Variants in USP1 observed in about 807,000 individuals in gnomAD.
The protein encoded by USP1 is ubiquitin carboxyl-terminal hydrolase 1.
Under a neutral mutation model 72.2 loss-of-function variants are expected in USP1, and 18 were observed. The ratio of observed to expected loss-of-function variants is 0.25; its 90% CI spans 0.17 to 0.37. The LOEUF (loss-of-function observed/expected upper bound fraction) is 0.37, where lower values mean the gene tolerates loss of function less well. Ranked by LOEUF, USP1 falls within the 10% of genes least tolerant of loss-of-function variation. USP1 has a pLI of 1.00. For missense variants in USP1, 759 were observed against 884.9 expected, an observed-to-expected ratio of 0.86 and a Z score of 1.81; for synonymous variants, 354 against 303.7, an observed-to-expected ratio of 1.17 and a Z score of -1.72.
intron 1 of USP1, among the ~76,000 whole-genome samples, chr1:62,437,672 C>T (rs1345713547): frequency 2.6e-5 from 4 of 152,222 alleles, no homozygotes; most frequent in South Asian, 2.1e-4. Flanking sequence ...CGCCAGCCTC[C>T]CCCGACCGGG....
At chr1:62,441,972 A>G (rs939326008) in intron 3 of USP1, among the ~76,000 whole-genome samples, 3 of 152,150 alleles carry the variant, frequency 2.0e-5, no homozygotes, top group African/African-American at 7.2e-5. Flanking sequence ...TTGTAACCTT[A>G]AAGTCTTAGC....
rs1228627368 is a variant in USP1 at position 62,451,563 on chromosome 1, A to G, written c.*582A>G. On this transcript the variant is annotated 3_prime_UTR_variant, in exon 9 of 9. Coordinates refer to ENST00000339950, the MANE Select transcript of USP1 (RefSeq NM_003368.5). ...GCTTCTACACAAGAATTTTATATGT[A>G]TTTATGAAGATGATTCTGTACCCTA... is the stretch of plus-strand genomic sequence containing the variant. 6.5e-6 allele frequency: 1 copy of G among 152,762 alleles called. No homozygotes were observed. Among genetic ancestry groups the G allele is most frequent in the African/African-American group, 2.4e-5 (1 of 41,426 alleles). 9.5% of individuals were successfully genotyped at this position (152,762 alleles called of 1,614,324 possible). A position where few individuals can be genotyped will look rare whatever the true frequency, so the allele number is the denominator to read the frequency against.
chr1:62,444,260 CAA>C (rs34522182), intron 5 of USP1, among the ~76,000 whole-genome samples: 28 of 72,404 alleles, frequency 3.9e-4, no homozygotes, highest in East Asian at 8.4e-4. Flanking sequence ...CCCTTGTCTC[CAA>C]AAAAAAAAAA....
chr1:62,451,093 G>T lies in USP1; in HGVS notation c.*112G>T, dbSNP rs1645213797. 1 of 1,102,438 alleles carries T rather than the reference G, an allele frequency of 9.1e-7. No individual in the cohort carries two copies. Among genetic ancestry groups the T allele is most frequent in the East Asian group, 2.6e-5 (1 of 38,906 alleles). The allele number at this position is 1,102,438 out of a possible 1,614,324, so 68.3% of individuals were successfully genotyped here. On this transcript the variant is annotated 3_prime_UTR_variant, in exon 9 of 9. Transcript: ENST00000339950. ...CTTTTGAAGCTACTGGATATTATTG[G>T]TCTCTCTAGGTTTTTATATAAATAG... is the stretch of plus-strand genomic sequence containing the variant.
rs190657638 is a variant in USP1 at position 62,447,911 on chromosome 1, T to G, written c.1420+400T>G. Among the ~76,000 whole-genome samples the G allele has an allele frequency of 8.1e-4, 124 of 152,214 alleles. 1 individual carries two copies. The highest frequency in any genetic ancestry group is 2.8e-3 in the African/African-American group (116 of 41,534). On this transcript the variant is annotated intron_variant, in intron 7 of 8. Coordinates refer to ENST00000339950, the MANE Select transcript of USP1 (RefSeq NM_003368.5). ...ATGCCATTCTCCTGCCTCAGCCTCC[T>G]GAGTAGCTGGGACTGCAGGTGCCCA... is the stretch of plus-strand genomic sequence containing the variant.
At position 62,437,107 on chromosome 1, in the gene USP1, T is replaced by C. The variant is rs1645093509; in HGVS notation, c.-363T>C. 2.5e-6 allele frequency: 1 copy of C among 399,114 alleles called. No individual in the cohort carries two copies. The highest frequency in any genetic ancestry group is 4.4e-5 in the Admixed American group (1 of 22,746). The allele number at this position is 399,114 out of a possible 1,614,324, so 24.7% of individuals were successfully genotyped here. A position where few individuals can be genotyped will look rare whatever the true frequency, so the allele number is the denominator to read the frequency against. ...GCTAAAGACCCTAGCGGTTCAGGCGTTCGGCGAGCGGGGCCGCTGCTTGTT... is the reference window on the plus strand; with the variant it reads ...GCTAAAGACCCTAGCGGTTCAGGCGCTCGGCGAGCGGGGCCGCTGCTTGTT... On this transcript the variant is annotated 5_prime_UTR_variant, in exon 1 of 9. Coordinates refer to ENST00000339950, the MANE Select transcript of USP1 (RefSeq NM_003368.5).
At position 62,442,382 on chromosome 1, in the gene USP1, T is replaced by TTG. The variant is rs1553144990; in HGVS notation, c.396+83_396+84insTG. 4 of 940,518 alleles carry TTG rather than the reference T, an allele frequency of 4.3e-6. No homozygotes were observed. The Admixed American group carries it at 8.7e-5, about 21-fold the overall frequency. The allele number at this position is 940,518 out of a possible 1,614,324, so 58.3% of individuals were successfully genotyped here. A position where few individuals can be genotyped will look rare whatever the true frequency, so the allele number is the denominator to read the frequency against. ...TTACTTGCCTGGAAATGAAGAGGAC[T>TTG]GGGGGGGTGGATGACAAAGATTATT... On this transcript the variant is annotated intron_variant, in intron 4 of 8. Coordinates refer to ENST00000339950, the MANE Select transcript of USP1 (RefSeq NM_003368.5).
At chr1:62,437,465 G>T in intron 1 of USP1, 65 bp downstream of exon 1, 1 of 319,812 alleles carries the variant, frequency 3.1e-6, no homozygotes, top group Non-Finnish European at 5.7e-6. Flanking sequence ...CGGCGCGGGA[G>T]AGGAGCTGCC....
chr1:62,441,655 T>C, intron 3 of USP1, 47 bp downstream of exon 3: 2 of 1,573,270 alleles, frequency 1.3e-6, no homozygotes, highest in Non-Finnish European at 1.7e-6. Flanking sequence ...TAGGCAAAGA[T>C]TGATGTAGCA....
In USP1 at chr1:62,447,795, T is replaced by A. The variant is rs147269815; in HGVS notation, c.1420+284T>A. ...TTTCAGAGCTACTGAGGGTTTTTTT[T>A]AATTTTTTTGAGATGGAGTCTTGCT... On this transcript the variant is annotated intron_variant, in intron 7 of 8. Transcript: ENST00000339950. Among the ~76,000 whole-genome samples the A allele has an allele frequency of 4.7e-3, 714 of 152,244 alleles. 8 individuals carry two copies. Among genetic ancestry groups the A allele is most frequent in the African/African-American group, 0.015 (634 of 41,536 alleles).
chr1:62,450,933 T>A lies in USP1; in HGVS notation c.2310T>A (p.Ser770=), dbSNP rs1224871681. 1 of 1,611,044 alleles carries A rather than the reference T, an allele frequency of 6.2e-7. No individual in the cohort carries two copies. Among genetic ancestry groups the A allele is most frequent in the Non-Finnish European group, 8.5e-7 (1 of 1,179,216 alleles). The change falls in exon 9 of 9, where the codon TCT becomes TCA. Residue 770 remains serine (S), a synonymous_variant. Transcript: ENST00000339950. ...EKDFLNSLSP[S]TSPTSTPYLL... ...ACTTTCTGAATTCTCTTTCCCCTTC[T>A]ACATCTCCTACTTCTACTCCTTACT...
chr1:62,443,258 A>G lies in USP1; in HGVS notation c.496A>G (p.Asn166Asp), dbSNP rs1645145736. ...VEQLQASFLL[N>D]PEKYTDELAT... ...ACAGCTCCAGGCTAGTTTTCTCTTA[A>G]ATCCAGAGAAATATACTGATGAACT... Residue 166 changes from asparagine to aspartate, a missense_variant, in exon 5 of 9, where the codon AAT becomes GAT. Asn to Asp is a conservative substitution (Grantham distance 23). Around this residue, in one of 9 missense-constraint regions of USP1, gnomAD observed 71 missense variants for 71.0 expected, o/e 1.00. Coordinates refer to ENST00000339950, the MANE Select transcript of USP1 (RefSeq NM_003368.5). 1 of 1,614,088 alleles carries G rather than the reference A, an allele frequency of 6.2e-7. No homozygotes were observed. Among genetic ancestry groups the G allele is most frequent in the Non-Finnish European group, 8.5e-7 (1 of 1,180,010 alleles).
chr1:62,450,281 A>G lies in USP1; in HGVS notation c.1658A>G (p.Asn553Ser), dbSNP rs376049962. 8 of 1,613,880 alleles carry G rather than the reference A, an allele frequency of 5.0e-6. No individual in the cohort carries two copies. The highest frequency in any genetic ancestry group is 3.3e-5 in the South Asian group (3 of 91,074). Residue 553 changes from asparagine (N) to serine (S), a missense_variant, in exon 9 of 9, where the codon AAC becomes AGC. Around this residue, in one of 9 missense-constraint regions of USP1, gnomAD observed 140 missense variants for 222.8 expected, o/e 0.63. Transcript: ENST00000339950. ...DCYGGGLSKI[N>S]TPLLTPLKLS... Reference sequence around the variant, plus strand: ...TATGGTGGTGGACTTTCCAAGATCAACACTCCTTTATTGACACCTCTTAAA... The same window carrying G: ...TATGGTGGTGGACTTTCCAAGATCAGCACTCCTTTATTGACACCTCTTAAA...
chr1:62,446,682 T>TA (rs1645176682), intron 6 of USP1, among the ~76,000 whole-genome samples: 1 of 152,234 alleles, frequency 6.6e-6, no homozygotes, highest in Non-Finnish European at 1.5e-5. Flanking sequence ...GATCTACAGA[T>TA]ATCAGGGAAA....
rs1231498427 is a variant in USP1 at position 62,444,227 on chromosome 1, C to T, written c.558-511C>T. On this transcript the variant is annotated intron_variant, in intron 5 of 8. Transcript: ENST00000339950. ...TGAGCCAAGATTGCGCCATTGCAGT[C>T]CAGTCTGGGCAACAGATCAAGACCC... is the stretch of plus-strand genomic sequence containing the variant. Among the ~76,000 whole-genome samples, 7 of 143,156 alleles carry T rather than the reference C, an allele frequency of 4.9e-5. No homozygotes were observed. In the East Asian group the frequency reaches 1.4e-3, roughly 29 times the overall value. The allele number at this position is 143,156 out of a possible 152,430, so 93.9% of individuals were successfully genotyped here.
chr1:62,439,907 A>C lies in USP1; in HGVS notation c.40A>C (p.Arg14=). 6.5e-7 allele frequency: 1 copy of C among 1,547,074 alleles called. No homozygotes were observed. The highest frequency in any genetic ancestry group is 1.3e-5 in the South Asian group (1 of 78,958). ...VIPSESNGLS[R]GSPSKKNRLS... is the part of the protein sequence containing the mutation. ...ACCTAGTGAAAGTAATGGACTTTCA[A>C]GAGGTAGCCCTTCAAAGAAAAACAG... The change falls in exon 2 of 9, where the codon AGA becomes CGA. Residue 14 remains arginine, a synonymous_variant. Transcript: ENST00000339950.
chr1:62,442,176 A>G lies in USP1; in HGVS notation c.292-19A>G. 2.0e-6 allele frequency: 3 copies of G among 1,484,676 alleles called. No homozygotes were observed. Among genetic ancestry groups the G allele is most frequent in the Admixed American group, 1.8e-5 (1 of 54,490 alleles). 92.0% of individuals were successfully genotyped at this position (1,484,676 alleles called of 1,614,324 possible). A position where few individuals can be genotyped will look rare whatever the true frequency, so the allele number is the denominator to read the frequency against. ...ATTGTTTGTTCAGTAAACACTTAAG[A>G]CAATCTCACTTTTTATAGGTATTAT... On this transcript the variant is annotated intron_variant, in intron 3 of 8. Transcript: ENST00000339950.
rs1400785708 is a variant in USP1 at position 62,447,424 on chromosome 1, A to C, written c.1333A>C (p.Ser445Arg). Reference protein sequence around the residue: ...VLRTRCLECESLTERREDFQD... With the variant: ...VLRTRCLECERLTERREDFQD... ...AAGGACGCGTTGCTTGGAATGTGAA[A>C]GTTTAACAGAAAGAAGAGAAGATTT... Residue 445 changes from serine (S) to arginine (R), a missense_variant, in exon 7 of 9, where the codon AGT becomes CGT. Ser to Arg is a moderately radical substitution (Grantham distance 110). Transcript: ENST00000339950. 3.7e-6 allele frequency: 6 copies of C among 1,614,034 alleles called. No homozygotes were observed. Among genetic ancestry groups the C allele is most frequent in the Non-Finnish European group, 5.1e-6 (6 of 1,180,024 alleles).
At position 62,450,774 on chromosome 1, in the gene USP1, A is replaced by G; in HGVS notation, c.2151A>G (p.Glu717=). 1 of 1,613,834 alleles carries G rather than the reference A, an allele frequency of 6.2e-7. No homozygotes were observed. Among genetic ancestry groups the G allele is most frequent in the Non-Finnish European group, 8.5e-7 (1 of 1,179,922 alleles). Reference sequence around the variant, plus strand: ...CCCATGAATCTGATAGAAACAAGGAATCCAGTGACCAAACAGGCATTAATA... The same window carrying G: ...CCCATGAATCTGATAGAAACAAGGAGTCCAGTGACCAAACAGGCATTAATA... ...TGTHESDRNK[E]SSDQTGINIS... The change falls in exon 9 of 9, where the codon GAA becomes GAG. Residue 717 remains glutamate, a synonymous_variant. Coordinates refer to ENST00000339950, the MANE Select transcript of USP1 (RefSeq NM_003368.5).
Sources: allele counts gnomAD v4.1 joint callset (sites outside exome capture counted in the v4.1 genomes callset), GRCh38; gene constraint gnomAD v4.1.1; regional missense constraint gnomAD v4.1.1; transcripts MANE v1.5; gene names NCBI Gene and HGNC (gene_info 2026-07-23, HGNC 2026-07-21).